GPATCH2: variants seen among roughly 807,000 people sequenced by gnomAD.
The protein encoded by GPATCH2 is G patch domain-containing protein 2.
GPATCH2 carries 51 observed loss-of-function variants against 58.0 expected under a neutral mutation model. The ratio of observed to expected loss-of-function variants is 0.88; its 90% CI spans 0.70 to 1.11. The LOEUF (loss-of-function observed/expected upper bound fraction) is 1.11. GPATCH2 is among the 50% of genes most tolerant of loss of function. The pLI is 0.00. For missense variants in GPATCH2, 625 were observed against 652.2 expected (o/e 0.96, Z 0.45); for synonymous variants, 222 against 218.5 (o/e 1.02, Z -0.14).
intron 5 of GPATCH2, among the ~76,000 whole-genome samples, chr1:217,558,482 C>A (rs1665752877): frequency 6.6e-6 from 1 of 152,164 alleles, no homozygotes; most frequent in African/African-American, 2.4e-5. Context: ...AGACTACATG[C>A]ATCCAACTGA....
At chr1:217,438,969 G>A (rs1250535914) in intron 9 of GPATCH2, among the ~76,000 whole-genome samples, 2 of 152,134 alleles carry the variant, frequency 1.3e-5, no homozygotes, top group African/African-American at 4.8e-5. Flanking sequence ...CAACGAGACA[G>A]AAAATTAACA....
At chr1:217,559,997 C>T (rs1476956612) in intron 5 of GPATCH2, among the ~76,000 whole-genome samples, 2 of 152,092 alleles carry the variant, frequency 1.3e-5, no homozygotes, top group African/African-American at 2.4e-5. Context: ...TACAGGCACA[C>T]GCCACCATGC....
intron 5 of GPATCH2, among the ~76,000 whole-genome samples, chr1:217,519,491 T>C (rs1001819904): frequency 6.6e-6 from 1 of 152,202 alleles, no homozygotes; most frequent in African/African-American, 2.4e-5. Flanking sequence ...AAAGTAGTTA[T>C]CTGATTTAAG....
intron 1 of GPATCH2, among the ~76,000 whole-genome samples, chr1:217,625,799 A>G (rs1347897269): frequency 1.3e-5 from 2 of 152,184 alleles, no homozygotes; most frequent in South Asian, 2.1e-4. Context: ...CCTGGCCAAC[A>G]TGGCGAAACT....
chr1:217,466,975 C>T (rs1660486402), intron 8 of GPATCH2, among the ~76,000 whole-genome samples: 1 of 152,172 alleles, frequency 6.6e-6, no homozygotes, highest in African/African-American at 2.4e-5. Flanking sequence ...GAGTTTGAGA[C>T]CATCCTGGCC....
Position 217,494,668 on chromosome 1 carries a change from C to T in GPATCH2, c.1207-2918G>A, listed in dbSNP as rs546371395. ...CTGAGGCATGAGAATCGTTTGAACT[C>T]GGGAGACGGAGGTTGCAGTGAGCCG... is the stretch of plus-strand genomic sequence containing the variant. On this transcript the variant is annotated intron_variant, in intron 7 of 9. Coordinates refer to ENST00000366935, the MANE Select transcript of GPATCH2 (RefSeq NM_018040.5). 2.6e-5 allele frequency among the ~76,000 whole-genome samples: 4 copies of T among 151,912 alleles called. No homozygotes were observed. In the East Asian group the frequency reaches 7.8e-4, roughly 29 times the overall value.
intron 5 of GPATCH2, among the ~76,000 whole-genome samples, chr1:217,570,423 T>A (rs1195922684): frequency 1.3e-5 from 2 of 152,100 alleles, no homozygotes; most frequent in African/African-American, 4.8e-5. Context: ...CCAAAATATG[T>A]ATTTAAAAGG....
chr1:217,433,145 C>T (rs760108786), intron 9 of GPATCH2, among the ~76,000 whole-genome samples: 41 of 151,856 alleles, frequency 2.7e-4, no homozygotes, highest in Non-Finnish European at 5.1e-4. Flanking sequence ...CACCTTCTCC[C>T]CAACTACAAA....
intron 5 of GPATCH2, among the ~76,000 whole-genome samples, chr1:217,578,647 G>A (rs17666417): frequency 0.15 from 23,113 of 152,162 alleles, 2,195 homozygotes; most frequent in Non-Finnish European, 0.22. Flanking sequence ...TTTACAAACT[G>A]TGTTTTACTG....
intron 5 of GPATCH2, among the ~76,000 whole-genome samples, chr1:217,541,089 A>G (rs1056880173): frequency 2.6e-5 from 4 of 152,186 alleles, no homozygotes; most frequent in Non-Finnish European, 4.4e-5. Context: ...ATATTCATCT[A>G]TAGCTTCTGT....
intron 5 of GPATCH2, among the ~76,000 whole-genome samples, chr1:217,523,241 C>T (rs894534632): frequency 3.3e-5 from 5 of 151,396 alleles, no homozygotes; most frequent in Admixed American, 6.6e-5. Flanking sequence ...GGCAGGGTCA[C>T]AGGACAATAG....
Position 217,475,690 on chromosome 1 carries a change from T to C in GPATCH2, c.1277+15990A>G, listed in dbSNP as rs559617134. On this transcript the variant is annotated intron_variant, in intron 8 of 9. Transcript: ENST00000366935. ...GGCAACTACTGACAACTGAAAGACA[T>C]TGGAGCAATGCCTTCAAAACCCTGA... Among the ~76,000 whole-genome samples, 21 of 152,192 alleles carry C rather than the reference T, an allele frequency of 1.4e-4. No individual in the cohort carries two copies. In the East Asian group the frequency reaches 3.9e-3, roughly 28 times the overall value.
chr1:217,465,202 AT>A lies in GPATCH2; in HGVS notation c.1278-15866del, dbSNP rs201461922. Among the ~76,000 whole-genome samples the A allele has an allele frequency of 9.6e-3, 1,455 of 152,166 alleles. 19 individuals carry two copies. Among genetic ancestry groups the A allele is most frequent in the African/African-American group, 0.033 (1,375 of 41,552 alleles). On this transcript the variant is annotated intron_variant, in intron 8 of 9. Transcript: ENST00000366935. ...ACAATAAAAATGGAAAAGGCAAAAA[AT>A]AAAAACTTTAAAATTAAAAAAAGAA...
chr1:217,595,350 T>C (rs2102777400), intron 5 of GPATCH2, among the ~76,000 whole-genome samples: 1 of 152,256 alleles, frequency 6.6e-6, no homozygotes, highest in South Asian at 2.1e-4. Flanking sequence ...TCACAAGTAA[T>C]GTAAATTTCA....
At chr1:217,517,898 C>T (rs989928047) in intron 5 of GPATCH2, among the ~76,000 whole-genome samples, 2 of 152,066 alleles carry the variant, frequency 1.3e-5, no homozygotes, top group African/African-American at 2.4e-5. Flanking sequence ...GTATTCTGTT[C>T]TTCATGAGAA....
At chr1:217,534,151 G>C (rs1017451981) in intron 5 of GPATCH2, among the ~76,000 whole-genome samples, 2 of 152,116 alleles carry the variant, frequency 1.3e-5, no homozygotes, top group African/African-American at 2.4e-5. Flanking sequence ...AGGAAGTGGA[G>C]GTTGCAGTGA....
chr1:217,526,059 T>C (rs1663889936), intron 5 of GPATCH2, among the ~76,000 whole-genome samples: 1 of 152,208 alleles, frequency 6.6e-6, no homozygotes, highest in South Asian at 2.1e-4. Context: ...AGTGTTTTCA[T>C]AAACTAGTCA....
chr1:217,574,781 C>T (rs569485295), intron 5 of GPATCH2, among the ~76,000 whole-genome samples: 14 of 152,068 alleles, frequency 9.2e-5, no homozygotes, highest in South Asian at 2.1e-4. Flanking sequence ...CAATAATAAG[C>T]GACAGGTCCA....
At chr1:217,501,721 T>A (rs1376453400) in intron 6 of GPATCH2, among the ~76,000 whole-genome samples, 1 of 152,278 alleles carries the variant, frequency 6.6e-6, no homozygotes, top group South Asian at 2.1e-4. Flanking sequence ...TGTGTGCTTA[T>A]TTGCTATTTG....
Sources: gnomAD v4.1 joint callset for allele counts (sites outside exome capture counted in the v4.1 genomes callset) on GRCh38, gnomAD v4.1.1 for gene constraint, MANE v1.5 for transcripts, NCBI Gene and HGNC (gene_info 2026-07-23, HGNC 2026-07-21) for gene names.